Variants in ADAM32 observed in about 807,000 individuals in gnomAD.
ADAM32 encodes the protein disintegrin and metalloproteinase domain-containing protein 32.
A neutral mutation model predicts 114.9 loss-of-function variants in ADAM32; 89 were observed. That is an observed-to-expected ratio of 0.77 (90% confidence interval 0.65 to 0.92). ADAM32 has a LOEUF of 0.92. Ranked by LOEUF, ADAM32 falls within the 40% of genes least tolerant of loss-of-function variation. The pLI is 0.00. For missense variants in ADAM32, 870 were observed against 932.8 expected (o/e 0.93, Z 0.88); for synonymous variants, 285 against 307.5 (o/e 0.93, Z 0.77).
intron 12 of ADAM32, among the ~76,000 whole-genome samples, chr8:39,216,344 A>C (rs1564618493): frequency 2.6e-5 from 4 of 151,978 alleles, no homozygotes; most frequent in Non-Finnish European, 5.9e-5. Flanking sequence ...TTTTGTTTTT[A>C]AAATTCGTTC....
At position 39,107,832 on chromosome 8, in the gene ADAM32, C is replaced by G; in HGVS notation, c.57C>G (p.Pro19=). ...AGLCGLLASR[P]GFQNSLLQIV... ...TCTGCGGCCTCCTGGCGTCAAGACC[C>G]GGTGAGCCAGCCCAGACCCTGACAC... Residue 19 remains proline, a splice_region_variant and synonymous_variant, in exon 1 of 25, where the codon CCC becomes CCG. Coordinates refer to ENST00000379907, the MANE Select transcript of ADAM32 (RefSeq NM_145004.7). 6.5e-7 allele frequency: 1 copy of G among 1,544,520 alleles called. No individual in the cohort carries two copies. Among genetic ancestry groups the G allele is most frequent in the Non-Finnish European group, 8.7e-7 (1 of 1,144,024 alleles).
At position 39,211,215 on chromosome 8, in the gene ADAM32, G is replaced by T. The variant is rs758631961; in HGVS notation, c.1124G>T (p.Gly375Val). 2.5e-6 allele frequency: 4 copies of T among 1,607,074 alleles called. No homozygotes were observed. The highest frequency in any genetic ancestry group is 2.5e-6 in the Non-Finnish European group (3 of 1,177,212). The change falls in exon 12 of 25, where the codon GGT becomes GTT. Residue 375 changes from glycine to valine, a missense_variant. By Grantham distance (109) the Gly-to-Val change is moderately radical (BLOSUM62 -3). Transcript: ENST00000379907. ...RSFQNFISNV[G>V]VKCLQNKPQM... ...TTTCAAAATTTCATTTCAAATGTGG[G>T]TGTCAAATGTCTTCAGAATAAGCCA...
At chr8:39,197,914 G>A (rs1363174782) in intron 11 of ADAM32, among the ~76,000 whole-genome samples, 1 of 152,288 alleles carries the variant, frequency 6.6e-6, no homozygotes, top group African/African-American at 2.4e-5. Flanking sequence ...TTCAAGAGGG[G>A]TGTTGGAGTC....
At chr8:39,161,404 T>G (rs1238418156) in intron 7 of ADAM32, among the ~76,000 whole-genome samples, 1 of 152,176 alleles carries the variant, frequency 6.6e-6, no homozygotes, top group African/African-American at 2.4e-5. Context: ...GTCAAGAAGT[T>G]TTTTAGCAGT....
At chr8:39,155,397 T>C (rs981108552) in intron 6 of ADAM32, among the ~76,000 whole-genome samples, 4 of 152,224 alleles carry the variant, frequency 2.6e-5, no homozygotes, top group African/African-American at 9.6e-5. Flanking sequence ...ATAATGGTAG[T>C]AACAGAGGCA....
intron 2 of ADAM32, among the ~76,000 whole-genome samples, chr8:39,128,685 C>A (rs1359466393): frequency 6.6e-6 from 1 of 152,136 alleles, no homozygotes; most frequent in Non-Finnish European, 1.5e-5. Context: ...GTGCTTCCTT[C>A]AGGCATTATT....
chr8:39,259,320 C>A (rs1405056555), intron 19 of ADAM32, among the ~76,000 whole-genome samples: 1 of 152,082 alleles, frequency 6.6e-6, no homozygotes, highest in Non-Finnish European at 1.5e-5. Context: ...CTGCCCCAGC[C>A]TCCCCAGAAG....
Position 39,180,255 on chromosome 8 carries a change from C to G in ADAM32, c.916-6654C>G, listed in dbSNP as rs186702461. On this transcript the variant is annotated intron_variant, in intron 10 of 24. Coordinates refer to ENST00000379907, the MANE Select transcript of ADAM32 (RefSeq NM_145004.7). The stretch of plus-strand genomic sequence containing the variant: ...CCCCAGGCAGTGAGGGGCTTAGCAC[C>G]TGGGCCAGCGGCTGCAGAGGGTGTA... 7.8e-3 allele frequency among the ~76,000 whole-genome samples: 1,187 copies of G among 152,362 alleles called. 14 individuals are homozygous for G. The highest frequency in any genetic ancestry group is 0.026 in the African/African-American group (1,100 of 41,590).
At chr8:39,258,948 A>G (rs1429598224) in intron 19 of ADAM32, among the ~76,000 whole-genome samples, 1 of 152,118 alleles carries the variant, frequency 6.6e-6, no homozygotes, top group East Asian at 1.9e-4. Flanking sequence ...TTAGATTGCT[A>G]TATCAACTTT....
In ADAM32 at chr8:39,246,138, T is replaced by A. The variant is rs370296973; in HGVS notation, c.1874T>A (p.Val625Asp). Residue 625 changes from valine to aspartate, a missense_variant, in exon 17 of 25, where the codon GTT (valine) becomes GAT (aspartate). Physicochemically the swap from Val to Asp is radical, Grantham distance 152. Coordinates refer to ENST00000379907, the MANE Select transcript of ADAM32 (RefSeq NM_145004.7). ...ESRIIKASAH[V>D]CSQQCSGHGV... ...AGGATAATTAAGGCTTCAGCACATG[T>A]TTGTTCACAACAGTGTTCTGGACAT... 9 of 1,613,402 alleles carry A rather than the reference T, an allele frequency of 5.6e-6. No homozygotes were observed. The African/African-American group carries it at 1.2e-4, about 22-fold the overall frequency.
intron 11 of ADAM32, among the ~76,000 whole-genome samples, chr8:39,192,946 C>A (rs879339960): frequency 7.9e-5 from 12 of 152,170 alleles, no homozygotes; most frequent in Non-Finnish European, 1.8e-4. Flanking sequence ...CTGCCTTTAA[C>A]ATTTTTTCTT....
At chr8:39,247,618 A>C (rs970637115) in intron 17 of ADAM32, among the ~76,000 whole-genome samples, 18 of 151,714 alleles carry the variant, frequency 1.2e-4, no homozygotes, top group African/African-American at 3.9e-4. Flanking sequence ...TTTTGCAAAT[A>C]TTTTCTTCCA....
intron 6 of ADAM32, among the ~76,000 whole-genome samples, chr8:39,159,928 A>G (rs547891100): frequency 1.2e-3 from 176 of 152,276 alleles, no homozygotes; most frequent in South Asian, 8.3e-3. Flanking sequence ...AAGGACCACA[A>G]TACTCCCTTA....
chr8:39,137,106 T>C (rs560896218), intron 3 of ADAM32, among the ~76,000 whole-genome samples: 154 of 152,348 alleles, frequency 1.0e-3, no homozygotes, highest in African/African-American at 3.5e-3. Context: ...ACAGACCTTA[T>C]AGTGTTGCAG....
chr8:39,180,487 C>G (rs186407757), intron 10 of ADAM32, among the ~76,000 whole-genome samples: 1 of 152,214 alleles, frequency 6.6e-6, no homozygotes, highest in East Asian at 1.9e-4. Flanking sequence ...CCAGTCCCAT[C>G]GACCACCCGA....
intron 15 of ADAM32, among the ~76,000 whole-genome samples, chr8:39,233,029 A>G (rs1303341111): frequency 1.3e-5 from 2 of 152,170 alleles, no homozygotes; most frequent in Admixed American, 6.5e-5. Flanking sequence ...TTTGACAGTA[A>G]ATATATAATC....
intron 22 of ADAM32, among the ~76,000 whole-genome samples, chr8:39,279,582 T>A (rs1467075860): frequency 1.3e-5 from 2 of 152,188 alleles, no homozygotes; most frequent in African/African-American, 2.4e-5. Context: ...ATGCCCGGAC[T>A]AGCATCCATG....
At chr8:39,197,592 A>G (rs1181073734) in intron 11 of ADAM32, among the ~76,000 whole-genome samples, 2 of 152,218 alleles carry the variant, frequency 1.3e-5, no homozygotes, top group Non-Finnish European at 2.9e-5. Context: ...ATTCAGGAGC[A>G]TTCGTTTACC....
intron 11 of ADAM32, among the ~76,000 whole-genome samples, chr8:39,192,445 A>G (rs1460356860): frequency 6.6e-6 from 1 of 152,148 alleles, no homozygotes; most frequent in Non-Finnish European, 1.5e-5. Context: ...ACAGCATATC[A>G]TTGGGTCTTA....
Sources: allele counts gnomAD v4.1 joint callset (sites outside exome capture counted in the v4.1 genomes callset), GRCh38; gene constraint gnomAD v4.1.1; transcripts MANE v1.5; gene names NCBI Gene and HGNC (gene_info 2026-07-23, HGNC 2026-07-21).